Variants in NHLRC2 observed in about 807,000 individuals in gnomAD.
The protein encoded by NHLRC2 is NHL repeat-containing protein 2.
In NHLRC2, 33 loss-of-function variants were observed where a neutral mutation model predicts 68.1. The ratio of observed to expected loss-of-function variants is 0.48; its 90% confidence interval spans 0.37 to 0.65. The LOEUF is 0.65. Ranked by LOEUF, NHLRC2 falls within the 30% of genes least tolerant of loss-of-function variation. The pLI, the probability that NHLRC2 is intolerant of heterozygous loss-of-function variation, is 0.00. For missense variants in NHLRC2, 761 were observed against 853.8 expected (o/e 0.89, Z 1.35); for synonymous variants, 311 against 309.6 (o/e 1.00, Z -0.05).
chr10:113,887,956 A>G (rs1846097147), intron 5 of NHLRC2, among the ~76,000 whole-genome samples: 1 of 152,138 alleles, frequency 6.6e-6, no homozygotes, highest in Admixed American at 6.5e-5. Context: ...TAGGCCGGGC[A>G]TGATGGCTCA....
intron 2 of NHLRC2, among the ~76,000 whole-genome samples, chr10:113,870,929 T>C (rs1368865486): frequency 5.9e-5 from 9 of 152,280 alleles, no homozygotes; most frequent in East Asian, 5.8e-4. Flanking sequence ...TGAAGTTTTG[T>C]CTGCCATTAT....
At position 113,911,662 on chromosome 10, in the gene NHLRC2, T is replaced by C. The variant is rs1324277045; in HGVS notation, c.*3126T>C. 1 of 152,204 alleles carries C rather than the reference T, an allele frequency of 6.6e-6. No individual in the cohort carries two copies. The highest frequency in any genetic ancestry group is 6.5e-5 in the Admixed American group (1 of 15,286). The allele number at this position is 152,204 out of a possible 1,614,324, so 9.4% of individuals were successfully genotyped here. ...ATTAAAAATACATATCTCTATAATGTAATAGTTTTCTGCCTGCACAAAGTT... is the reference window on the plus strand; with the variant it reads ...ATTAAAAATACATATCTCTATAATGCAATAGTTTTCTGCCTGCACAAAGTT... On this transcript the variant is annotated 3_prime_UTR_variant, in exon 11 of 11. Transcript: ENST00000369301.
rs1349146570 is a variant in NHLRC2, at chr10:113,913,846, T to C, written c.*5310T>C. On this transcript the variant is annotated 3_prime_UTR_variant, in exon 11 of 11. Transcript: ENST00000369301. ...TAGGTACTTTTTGTTGTTGTTGTTT[T>C]GTTTTTTTTTTTTTTTTTTGAGATG... 6.7e-6 allele frequency: 1 copy of C among 148,974 alleles called. No homozygotes were observed. Among genetic ancestry groups the C allele is most frequent in the East Asian group, 2.0e-4 (1 of 5,108 alleles). The allele number at this position is 148,974 out of a possible 1,614,324, so 9.2% of individuals were successfully genotyped here.
chr10:113,887,247 C>T (rs771334290), intron 5 of NHLRC2, among the ~76,000 whole-genome samples: 3 of 152,120 alleles, frequency 2.0e-5, no homozygotes, highest in African/African-American at 7.2e-5. Context: ...AACCTTTGTA[C>T]ACTGTTGGGA....
At chr10:113,896,913 G>T (rs1436684453) in intron 5 of NHLRC2, among the ~76,000 whole-genome samples, 1 of 151,540 alleles carries the variant, frequency 6.6e-6, no homozygotes, top group African/African-American at 2.4e-5. Flanking sequence ...AGAATGGCAT[G>T]AACCTGGGAG....
At position 113,908,478 on chromosome 10, in the gene NHLRC2, A is replaced by G; in HGVS notation, c.2123A>G (p.Gln708Arg). Residue 708 changes from glutamine (Q) to arginine (R), a missense_variant, in exon 11 of 11, where the codon CAA becomes CGA. Coordinates refer to ENST00000369301, the MANE Select transcript of NHLRC2 (RefSeq NM_198514.4). Reference sequence around the variant, plus strand: ...GCAATTTTGTTCAGTCAGCCTTTACAAATAACGGATACACAGCAAGGTTGC... The same window carrying G: ...GCAATTTTGTTCAGTCAGCCTTTACGAATAACGGATACACAGCAAGGTTGC... ...MKAILFSQPL[Q>R]ITDTQQGCIA... 6.2e-7 allele frequency: 1 copy of G among 1,614,108 alleles called. No individual in the cohort carries two copies. The highest frequency in any genetic ancestry group is 8.5e-7 in the Non-Finnish European group (1 of 1,179,964).
At chr10:113,877,893 C>T (rs1845999259) in intron 3 of NHLRC2, among the ~76,000 whole-genome samples, 1 of 152,034 alleles carries the variant, frequency 6.6e-6, no homozygotes, top group Non-Finnish European at 1.5e-5. Flanking sequence ...TGATTTATGA[C>T]AGGCAGTTAC....
At chr10:113,858,811 A>G (rs989020817) in intron 2 of NHLRC2, 131 bp downstream of exon 2, 1 of 605,630 alleles carries the variant, frequency 1.7e-6, no homozygotes, top group Non-Finnish European at 2.9e-6. Context: ...TCTCTTATCT[A>G]TGAATTAAAG....
intron 2 of NHLRC2, among the ~76,000 whole-genome samples, chr10:113,873,894 C>A (rs1845953396): frequency 6.6e-6 from 1 of 152,110 alleles, no homozygotes; most frequent in Non-Finnish European, 1.5e-5. Context: ...TCTTTTTCTA[C>A]CCCTTTACTT....
At chr10:113,883,280 T>C (rs1298586388) in intron 4 of NHLRC2, among the ~76,000 whole-genome samples, 4 of 152,030 alleles carry the variant, frequency 2.6e-5, no homozygotes, top group African/African-American at 9.6e-5. Context: ...TTTCCTTTTA[T>C]TATATTGCTG....
intron 2 of NHLRC2, among the ~76,000 whole-genome samples, chr10:113,868,582 A>G (rs1265602905): frequency 6.6e-6 from 1 of 152,174 alleles, no homozygotes; most frequent in East Asian, 1.9e-4. Context: ...TGTCCTGTGA[A>G]ATCATTTGTT....
At chr10:113,888,446 A>G (rs896902652) in intron 5 of NHLRC2, among the ~76,000 whole-genome samples, 1 of 152,216 alleles carries the variant, frequency 6.6e-6, no homozygotes, top group Non-Finnish European at 1.5e-5. Context: ...TTATTGGTCA[A>G]TTAAAAATTT....
At position 113,909,145 on chromosome 10, in the gene NHLRC2, T is replaced by C. The variant is rs1252438101; in HGVS notation, c.*609T>C. 1 of 152,278 alleles carries C rather than the reference T, an allele frequency of 6.6e-6. No homozygotes were observed. The highest frequency in any genetic ancestry group is 1.5e-5 in the Non-Finnish European group (1 of 68,066). 9.4% of individuals were successfully genotyped at this position (152,278 alleles called of 1,614,324 possible). A position where few individuals can be genotyped will look rare whatever the true frequency, so the allele number is the denominator to read the frequency against. On this transcript the variant is annotated 3_prime_UTR_variant, in exon 11 of 11. Transcript: ENST00000369301. ...TTTAAAAGAGAGTTTTGATCTATTT[T>C]TATTATAAATTATTTGTTATTTAAC... is the stretch of plus-strand genomic sequence containing the variant.
intron 10 of NHLRC2, among the ~76,000 whole-genome samples, chr10:113,907,061 T>C (rs985455789): frequency 6.6e-6 from 1 of 152,148 alleles, no homozygotes; most frequent in Admixed American, 6.5e-5. Flanking sequence ...TAAAAGATAC[T>C]CTCTAACCCA....
chr10:113,892,167 A>C lies in NHLRC2; in HGVS notation c.1040-5943A>C, dbSNP rs115888758. 9.4e-3 allele frequency among the ~76,000 whole-genome samples: 1,437 copies of C among 152,288 alleles called. 27 individuals carry two copies. The highest frequency in any genetic ancestry group is 0.033 in the African/African-American group (1,355 of 41,556). On this transcript the variant is annotated intron_variant, in intron 5 of 10. Coordinates refer to ENST00000369301, the MANE Select transcript of NHLRC2 (RefSeq NM_198514.4). ...GGATGCTCTTAGGAGGGTTCTAGTC[A>C]TAGGTACTTAAAATGACAGAATTTT...
chr10:113,906,852 G>A (rs1846280209), intron 10 of NHLRC2, among the ~76,000 whole-genome samples: 1 of 152,178 alleles, frequency 6.6e-6, no homozygotes, highest in Non-Finnish European at 1.5e-5. Flanking sequence ...GCCGAGTGTG[G>A]TAGTGGGGTA....
In NHLRC2 at chr10:113,855,054, A is replaced by AG; in HGVS notation, c.178+8dup. 2 of 1,551,072 alleles carry AG rather than the reference A, an allele frequency of 1.3e-6. No individual in the cohort carries two copies. Among genetic ancestry groups the AG allele is most frequent in the Non-Finnish European group, 1.7e-6 (2 of 1,146,670 alleles). Reference sequence around the variant, plus strand: ...TCAGTACCCGAGTTTCCGGAAGGTGAGGGGCTGGCGTCGGGGTGGGGGCCC... The same window carrying AG: ...TCAGTACCCGAGTTTCCGGAAGGTGAGGGGGCTGGCGTCGGGGTGGGGGCCC... On this transcript the variant is annotated splice_donor_region_variant and intron_variant, in intron 1 of 10. Transcript: ENST00000369301.
chr10:113,894,262 C>T (rs1350987294), intron 5 of NHLRC2, among the ~76,000 whole-genome samples: 2 of 152,140 alleles, frequency 1.3e-5, no homozygotes, highest in African/African-American at 4.8e-5. Context: ...TTGGCTGGAG[C>T]TGACTTTTCA....
chr10:113,859,711 T>C (rs1188669530), intron 2 of NHLRC2, among the ~76,000 whole-genome samples: 1 of 152,212 alleles, frequency 6.6e-6, no homozygotes, highest in Non-Finnish European at 1.5e-5. Flanking sequence ...GTTCAAGACA[T>C]CACGTTTATT....
Sources: gnomAD v4.1 joint callset for allele counts (sites outside exome capture counted in the v4.1 genomes callset) on GRCh38, gnomAD v4.1.1 for gene constraint, MANE v1.5 for transcripts, NCBI Gene and HGNC (gene_info 2026-07-23, HGNC 2026-07-21) for gene names.